KYAT3: variants seen among roughly 807,000 people sequenced by gnomAD.
The protein encoded by KYAT3 is kynurenine aminotransferase 3.
A neutral mutation model predicts 59.0 loss-of-function variants in KYAT3; 50 were observed. The ratio of observed to expected loss-of-function variants is 0.85; its 90% CI spans 0.68 to 1.07. The LOEUF (loss-of-function observed/expected upper bound fraction) is 1.07. KYAT3 is among the 50% of genes least tolerant of loss of function. The pLI, the probability that KYAT3 is intolerant of heterozygous loss-of-function variation, is 0.00. For synonymous variants in KYAT3, 148 were observed against 177.0 expected (o/e 0.84, Z 1.30); for missense variants, 497 against 533.3 (o/e 0.93, Z 0.67).
At chr1:88,966,241 A>G (rs996053463) in intron 4 of KYAT3, among the ~76,000 whole-genome samples, 2 of 152,144 alleles carry the variant, frequency 1.3e-5, no homozygotes, top group African/African-American at 4.8e-5. Flanking sequence ...GTTGTGTTCT[A>G]ATGAAACTTT....
At chr1:88,940,858 G>A (rs10801696) in intron 13 of KYAT3, among the ~76,000 whole-genome samples, 67,130 of 151,796 alleles carry the variant, frequency 0.44, 15,995 homozygotes, top group South Asian at 0.68. Context: ...TGCAGCGACT[G>A]CTCCTACTGT....
At position 88,936,151 on chromosome 1, in the gene KYAT3, T is replaced by C. The variant is rs149368227; in HGVS notation, c.*32A>G. ...TAAGTAACAATTCCATACTAGGTCA[T>C]CTAACAGAAACATTAATCCATTCTG... On this transcript the variant is annotated 3_prime_UTR_variant, in exon 14 of 14. Coordinates refer to ENST00000260508, the MANE Select transcript of KYAT3 (RefSeq NM_001008661.3). The C allele has an allele frequency of 8.0e-6, 12 of 1,500,954 alleles. No individual in the cohort carries two copies. Among genetic ancestry groups the C allele is most frequent in the African/African-American group, 2.7e-5 (2 of 73,102 alleles). The allele number at this position is 1,500,954 out of a possible 1,614,324, so 93.0% of individuals were successfully genotyped here.
At chr1:88,961,047 C>T (rs554833084) in intron 8 of KYAT3, 120 bp downstream of exon 8, 2 of 893,608 alleles carry the variant, frequency 2.2e-6, no homozygotes, top group African/African-American at 1.6e-5. Context: ...TTAAAGTGTT[C>T]ATACAGACAG....
intron 2 of KYAT3, chr1:88,983,605 T>C (rs1289581795): frequency 6.2e-7 from 1 of 1,614,052 alleles, no homozygotes; most frequent in Non-Finnish European, 8.5e-7. Context: ...CTTTTCCATC[T>C]AATGACTTTC....
chr1:88,922,399 C>T, the KYAT3 span, among the ~76,000 whole-genome samples: 4 of 152,124 alleles, frequency 2.6e-5, no homozygotes, highest in Non-Finnish European at 4.4e-5. Flanking sequence ...CAGGGATTCC[C>T]GACCTCCAGG....
Position 88,943,358 on chromosome 1 carries a change from T to TA in KYAT3, c.1206dup (p.Lys403Ter), listed in dbSNP as rs1363452031. ...AGAACAATAAACATTACCTTATGTT[T>TA]AGTCATCCATTTCACAAACTTATAG... On this transcript the variant is annotated frameshift_variant, in exon 12 of 14. Transcript: ENST00000260508. LOFTEE classifies it high-confidence loss of function. 1.3e-6 allele frequency: 2 copies of TA among 1,541,092 alleles called. No homozygotes were observed. The highest frequency in any genetic ancestry group is 1.8e-6 in the Non-Finnish European group (2 of 1,121,834).
chr1:88,955,051 C>A, intron 9 of KYAT3, 98 bp downstream of exon 9: 1 of 786,792 alleles, frequency 1.3e-6, no homozygotes, highest in African/African-American at 1.7e-5. Context: ...CAGGCATGAG[C>A]CACCATGCCT....
chr1:88,970,716 T>A lies in KYAT3; in HGVS notation c.100-1249A>T, dbSNP rs191851878. Among the ~76,000 whole-genome samples the A allele has an allele frequency of 1.3e-4, 20 of 152,274 alleles. No individual in the cohort carries two copies. The East Asian group carries it at 2.9e-3, about 22-fold the overall frequency. On this transcript the variant is annotated intron_variant, in intron 2 of 13. Transcript: ENST00000260508. ...TTCTAAAATTGAGTTTTATACTATC[T>A]CCCAAAAGTATTGAATTAGCTTTGA...
intron 8 of KYAT3, among the ~76,000 whole-genome samples, chr1:88,958,174 A>G (rs1675994811): frequency 6.6e-6 from 1 of 152,184 alleles, no homozygotes; most frequent in South Asian, 2.1e-4. Flanking sequence ...AGTTTAAAGC[A>G]TGAGAAGCAG....
At chr1:88,967,702 C>G (rs1217653960) in intron 4 of KYAT3, among the ~76,000 whole-genome samples, 1 of 151,930 alleles carries the variant, frequency 6.6e-6, no homozygotes, top group Non-Finnish European at 1.5e-5. Flanking sequence ...TAATATTATC[C>G]TATTATTGCT....
At chr1:88,955,291 AACATAACAAAGAT>A in intron 8 of KYAT3, 66 bp from the exon 9 acceptor site, 1 of 920,080 alleles carries the variant, frequency 1.1e-6, no homozygotes, top group Non-Finnish European at 1.7e-6. Flanking sequence ...ATAATCTAAA[AACATAACAAAGAT>A]ACATAAATTC....
chr1:88,936,094 A>T lies in KYAT3; in HGVS notation c.*89T>A. ...AATATTTAAATTCCAGTTGTACTGA[A>T]ATACCTTTTAACATCCAGCAGGTGG... On this transcript the variant is annotated 3_prime_UTR_variant, in exon 14 of 14. Transcript: ENST00000260508. 1.2e-6 allele frequency: 1 copy of T among 839,902 alleles called. No individual in the cohort carries two copies. The highest frequency in any genetic ancestry group is 1.9e-6 in the Non-Finnish European group (1 of 518,648). 52.0% of individuals were successfully genotyped at this position (839,902 alleles called of 1,614,324 possible). A position where few individuals can be genotyped will look rare whatever the true frequency, so the allele number is the denominator to read the frequency against.
the KYAT3 span, among the ~76,000 whole-genome samples, chr1:88,925,424 C>T: frequency 6.6e-6 from 1 of 152,202 alleles, no homozygotes; most frequent in African/African-American, 2.4e-5. Flanking sequence ...ACTAATGGTT[C>T]AGACTTTCAT....
intron 2 of KYAT3, among the ~76,000 whole-genome samples, 160 bp downstream of exon 2, chr1:88,988,092 T>C (rs1314251347): frequency 6.6e-6 from 1 of 152,216 alleles, no homozygotes; most frequent in East Asian, 1.9e-4. Flanking sequence ...AGTTGCTCAG[T>C]GAATGTCAAT....
chr1:88,939,300 C>A (rs1270312607), intron 13 of KYAT3, among the ~76,000 whole-genome samples: 2 of 152,104 alleles, frequency 1.3e-5, no homozygotes, highest in African/African-American at 2.4e-5. Flanking sequence ...CTTTCAATTT[C>A]TATTTTCTTG....
Position 88,949,050 on chromosome 1 carries a change from T to C in KYAT3, c.1141+41A>G, listed in dbSNP as rs1022104362. On this transcript the variant is annotated intron_variant, in intron 11 of 13. Coordinates refer to ENST00000260508, the MANE Select transcript of KYAT3 (RefSeq NM_001008661.3). ...CATAATTCTGATATAATTTCACACA[T>C]AAGTTTCCGTATAGTTGAAATAATA... is the stretch of plus-strand genomic sequence containing the variant. The C allele has an allele frequency of 8.5e-6, 12 of 1,414,768 alleles. No homozygotes were observed. The Admixed American group carries it at 1.9e-4, about 23-fold the overall frequency. 87.6% of individuals were successfully genotyped at this position (1,414,768 alleles called of 1,614,324 possible).
intron 2 of KYAT3, chr1:88,980,244 A>G (rs994245133): frequency 6.6e-6 from 1 of 152,594 alleles, no homozygotes; most frequent in Non-Finnish European, 1.5e-5. Context: ...TTCATGGCAT[A>G]TACATCTGTC....
intron 1 of KYAT3, among the ~76,000 whole-genome samples, chr1:88,991,819 C>G (rs1364811494): frequency 6.6e-6 from 1 of 152,228 alleles, no homozygotes; most frequent in Non-Finnish European, 1.5e-5. Context: ...AGCCCCAGTC[C>G]CCCTCAGGTG....
chr1:88,922,598 T>TAACTA, the KYAT3 span, among the ~76,000 whole-genome samples: 1 of 152,176 alleles, frequency 6.6e-6, no homozygotes, highest in Admixed American at 6.5e-5. Flanking sequence ...TATGAGAATC[T>TAACTA]AACTAATGCC....
Sources: allele counts gnomAD v4.1 joint callset (sites outside exome capture counted in the v4.1 genomes callset), GRCh38; gene constraint gnomAD v4.1.1; transcripts MANE v1.5; gene names NCBI Gene and HGNC (gene_info 2026-07-23, HGNC 2026-07-21).